LRRTM1: variants seen among roughly 807,000 people sequenced by gnomAD.
The protein encoded by LRRTM1 is leucine rich repeat transmembrane neuronal 1, also known as leucine-rich repeat transmembrane neuronal protein 1.
A neutral mutation model predicts 37.3 loss-of-function variants in LRRTM1; 8 were observed. The ratio of observed to expected loss-of-function variants is 0.21; its 90% CI spans 0.13 to 0.39. The LOEUF is 0.39. Among genes scored for constraint, LRRTM1 ranks in the 10% least tolerant of loss-of-function variants. The probability of loss-of-function intolerance (pLI) is 1.00; values close to 1 mark genes in which losing one functional copy is unlikely to be tolerated. For missense variants in LRRTM1, 557 were observed against 691.0 expected, an observed-to-expected ratio of 0.81 and a Z score of 2.17; for synonymous variants, 326 against 316.8, an observed-to-expected ratio of 1.03 and a Z score of -0.31.
At chr2:80,297,546 A>G (rs2149194669), downstream of LRRTM1, among the ~76,000 whole-genome samples, 1 of 152,314 alleles carries the variant, frequency 6.6e-6, no homozygotes, top group South Asian at 2.1e-4. Flanking sequence ...TAAAAAAAGC[A>G]AAAGTCTTCA....
chr2:80,295,435 T>TG (rs757373394), intron 2 of LRRTM1, among the ~76,000 whole-genome samples: 38 of 152,332 alleles, frequency 2.5e-4, no homozygotes, highest in Admixed American at 4.6e-4. Flanking sequence ...CTGAAGCCCC[T>TG]GACTCTCAGT....
downstream of LRRTM1, among the ~76,000 whole-genome samples, chr2:80,300,072 G>A (rs888654358): frequency 2.0e-5 from 3 of 152,092 alleles, no homozygotes; most frequent in South Asian, 6.2e-4. Flanking sequence ...TGCTCTTGGA[G>A]TGGTATGCTA....
At position 80,304,299 on chromosome 2, in the gene LRRTM1, G is replaced by A. The variant is rs1391413116; in HGVS notation, c.-207C>T. The A allele has an allele frequency of 6.5e-6, 1 of 153,350 alleles. No homozygotes were observed. The highest frequency in any genetic ancestry group is 1.5e-5 in the Non-Finnish European group (1 of 68,592). The allele number at this position is 153,350 out of a possible 1,614,324, so 9.5% of individuals were successfully genotyped here. On this transcript the variant is annotated 5_prime_UTR_variant, in exon 1 of 2. Transcript: ENST00000295057. ...TGGCAGGCGCACAATGTCTCACTTTGCTGCTCGGCTCGGGGCTGCAAGGGC... is the reference window on the plus strand; with the variant it reads ...TGGCAGGCGCACAATGTCTCACTTTACTGCTCGGCTCGGGGCTGCAAGGGC...
chr2:80,294,635 T>TAAA (rs946463525), intron 2 of LRRTM1, among the ~76,000 whole-genome samples: 2 of 151,588 alleles, frequency 1.3e-5, no homozygotes, highest in East Asian at 1.9e-4. Flanking sequence ...CTGGGAAGCT[T>TAAA]AAAAAAAATA....
In LRRTM1 at chr2:80,302,885, G is replaced by A. The variant is rs1198962175; in HGVS notation, c.935C>T (p.Ala312Val). 4 of 1,614,016 alleles carry A rather than the reference G, an allele frequency of 2.5e-6. No homozygotes were observed. The highest frequency in any genetic ancestry group is 1.1e-5 in the South Asian group (1 of 91,090). ...GCGCCCGCAATCCCACAGGTTCCCGGCCAGGGTGATGCTTGTCAGGGACTT... is the reference window on the plus strand; with the variant it reads ...GCGCCCGCAATCCCACAGGTTCCCGACCAGGGTGATGCTTGTCAGGGACTT... Reference protein sequence around the residue: ...SWKSLTSITLAGNLWDCGRNV... With the variant: ...SWKSLTSITLVGNLWDCGRNV... Residue 312 changes from alanine (A) to valine (V), a missense_variant, in exon 2 of 2, where the codon GCC (alanine) becomes GTC (valine). Transcript: ENST00000295057. This position sits in a 1 kb window ranked among gnomAD's most constrained non-coding sequence, Gnocchi z 6.4.
chr2:80,293,570 TG>T (rs938773823), intron 2 of LRRTM1, among the ~76,000 whole-genome samples: 1 of 152,150 alleles, frequency 6.6e-6, no homozygotes, highest in African/African-American at 2.4e-5. Flanking sequence ...GGGAACAAGG[TG>T]GGATGTCCTG....
chr2:80,302,248 C>A lies in LRRTM1; in HGVS notation c.*3G>T, dbSNP rs1467216306. 1.2e-6 allele frequency: 2 copies of A among 1,611,052 alleles called. No homozygotes were observed. Among genetic ancestry groups the A allele is most frequent in the Non-Finnish European group, 1.7e-6 (2 of 1,178,544 alleles). On this transcript the variant is annotated 3_prime_UTR_variant, in exon 2 of 2. Transcript: ENST00000295057. The surrounding 1 kb of genome is among the most constrained non-coding windows in gnomAD (Gnocchi z 6.4). ...GCGCATGGGTTGAGAGCCACTGGGACAATCACACCTCGCATTCCCTCGCGG... is the reference window on the plus strand; with the variant it reads ...GCGCATGGGTTGAGAGCCACTGGGAAAATCACACCTCGCATTCCCTCGCGG...
chr2:80,299,218 C>G (rs556591527), downstream of LRRTM1: 3 of 152,154 alleles, frequency 2.0e-5, no homozygotes, highest in East Asian at 1.9e-4. Context: ...AAATTAGATT[C>G]TCTTTTAAAT....
At chr2:80,292,909 T>G (rs1165760885) in intron 2 of LRRTM1, among the ~76,000 whole-genome samples, 2 of 152,210 alleles carry the variant, frequency 1.3e-5, no homozygotes, top group Non-Finnish European at 2.9e-5. Context: ...GTTTGCTCTT[T>G]TTTTTGTACC....
chr2:80,299,125 C>G (rs1289184252), downstream of LRRTM1: 1 of 151,962 alleles, frequency 6.6e-6, no homozygotes, highest in African/African-American at 2.4e-5. Context: ...TGAATTGTGG[C>G]CTTAAGTTCT....
chr2:80,290,863 A>AAAAC (rs1675178380), intron 2 of LRRTM1, among the ~76,000 whole-genome samples: 1 of 152,146 alleles, frequency 6.6e-6, no homozygotes, highest in East Asian at 1.9e-4. Flanking sequence ...GGGAGAGTAG[A>AAAAC]AAACAAACAA....
intron 2 of LRRTM1, among the ~76,000 whole-genome samples, chr2:80,291,611 C>T (rs1309288778): frequency 6.6e-6 from 1 of 152,164 alleles, no homozygotes; most frequent in Non-Finnish European, 1.5e-5. Context: ...TGCTTAGTGT[C>T]CCAGGGGCCA....
intron 2 of LRRTM1, among the ~76,000 whole-genome samples, chr2:80,290,100 CT>C (rs1347535246): frequency 5.3e-5 from 8 of 152,236 alleles, no homozygotes; most frequent in Middle Eastern, 6.8e-3. Flanking sequence ...TTACCAGATC[CT>C]TGTGAAGCAG....
rs1367451690 is a variant in LRRTM1, at chr2:80,303,114, G to A, written c.706C>T (p.His236Tyr). Residue 236 changes from histidine (H) to tyrosine (Y), a missense_variant, in exon 2 of 2, where the codon CAC becomes TAC. Physicochemically the swap from His to Tyr is moderately conservative, Grantham distance 83. Transcript: ENST00000295057. The surrounding 1 kb of genome is among the most constrained non-coding windows in gnomAD (Gnocchi z 7.7). ...TTGTTCCTCCGCAGGCAGAGCGAGT[G>A]CAGGGAGATGAGGCGCGGGAAGTGG... ...FAHFPRLISLHSLCLRRNKVA... is the reference protein window; with the variant it reads ...FAHFPRLISLYSLCLRRNKVA... 1 of 1,614,020 alleles carries A rather than the reference G, an allele frequency of 6.2e-7. No homozygotes were observed. Among genetic ancestry groups the A allele is most frequent in the Admixed American group, 1.7e-5 (1 of 59,992 alleles).
Position 80,303,021 on chromosome 2 carries a change from C to G in LRRTM1, c.799G>C (p.Glu267Gln), listed in dbSNP as rs769011283. Residue 267 changes from glutamate (E) to glutamine (Q), a missense_variant, in exon 2 of 2, where the codon GAG becomes CAG. Glu to Gln is a conservative substitution (Grantham distance 29, BLOSUM62 2). Around this residue, in one of 5 missense-constraint regions of LRRTM1, gnomAD observed 200 missense variants for 249.9 expected, o/e 0.80. Transcript: ENST00000295057. This position sits in a 1 kb window ranked among gnomAD's most constrained non-coding sequence, Gnocchi z 7.7. ...NLEKMDLSGN[E>Q]IEYMEPHVFE... is the part of the protein sequence containing the mutation. ...ACATGGGGCTCCATGTACTCGATCT[C>G]GTTGCCCGACAAGTCCATTTTCTCC... 14 of 1,613,798 alleles carry G rather than the reference C, an allele frequency of 8.7e-6. No individual in the cohort carries two copies. The South Asian group carries it at 9.9e-5, about 11-fold the overall frequency.
At chr2:80,300,114 A>C (rs1676110128), downstream of LRRTM1, among the ~76,000 whole-genome samples, 1 of 152,244 alleles carries the variant, frequency 6.6e-6, no homozygotes, top group South Asian at 2.1e-4. Flanking sequence ...GATTATGCTT[A>C]AATTCAAAAC....
chr2:80,295,140 C>G (rs1675628922), intron 2 of LRRTM1, among the ~76,000 whole-genome samples: 2 of 152,024 alleles, frequency 1.3e-5, no homozygotes, highest in South Asian at 4.2e-4. Context: ...ATCCCATACC[C>G]CATTTTACTA....
Position 80,303,654 on chromosome 2 carries a change from T to A in LRRTM1, c.166A>T (p.Asn56Tyr). The change falls in exon 2 of 2, where the codon AAC (asparagine) becomes TAC (tyrosine). Residue 56 changes from asparagine (N) to tyrosine (Y), a missense_variant. Asn to Tyr is a moderately radical substitution (Grantham distance 143). Around this residue, in one of 5 missense-constraint regions of LRRTM1, gnomAD observed 140 missense variants for 138.1 expected, o/e 1.01. Coordinates refer to ENST00000295057, the MANE Select transcript of LRRTM1 (RefSeq NM_178839.5). The surrounding 1 kb of genome is among the most constrained non-coding windows in gnomAD (Gnocchi z 7.7). ...AGGTTGTGGGGCGCCTCGGTGAGGT[T>A]GAGCGCCTCGCAGTACAGCAGCCGC... ...EGRLLYCEAL[N>Y]LTEAPHNLSG... 1 of 1,613,100 alleles carries A rather than the reference T, an allele frequency of 6.2e-7. No individual in the cohort carries two copies. The highest frequency in any genetic ancestry group is 1.3e-5 in the African/African-American group (1 of 75,022).
intron 2 of LRRTM1, among the ~76,000 whole-genome samples, chr2:80,289,828 A>C (rs1675083492): frequency 1.3e-5 from 2 of 152,180 alleles, no homozygotes; most frequent in Admixed American, 6.5e-5. Context: ...CTTCCTAATA[A>C]GAAGTCAAAA....
Sources: allele counts gnomAD v4.1 joint callset (sites outside exome capture counted in the v4.1 genomes callset), GRCh38; gene constraint gnomAD v4.1.1; regional missense constraint gnomAD v4.1.1; non-coding constraint Gnocchi (gnomAD v3.1); transcripts MANE v1.5; gene names NCBI Gene and HGNC (gene_info 2026-07-23, HGNC 2026-07-21).